Variants in DAB1 observed in about 807,000 individuals in gnomAD.
The protein encoded by DAB1 is DAB adaptor protein 1, also known as disabled homolog 1.
A neutral mutation model predicts 64.6 loss-of-function variants in DAB1; 15 were observed. The observed-to-expected ratio is 0.23, with a 90% CI of 0.16 to 0.36. The LOEUF (loss-of-function observed/expected upper bound fraction) is 0.36. Among genes scored for constraint, DAB1 ranks in the 10% least tolerant of loss-of-function variants. The pLI is 1.00. For synonymous variants in DAB1, 235 were observed against 251.9 expected, an observed-to-expected ratio of 0.93 and a Z score of 0.64; for missense variants, 596 against 706.7, an observed-to-expected ratio of 0.84 and a Z score of 1.78.
chr1:57,889,895 G>GT (rs1557539155), intron 5 of DAB1, among the ~76,000 whole-genome samples: 2 of 105,690 alleles, frequency 1.9e-5, no homozygotes, highest in African/African-American at 8.8e-5. Context: ...AGCACAAACT[G>GT]GGGCGGGGGG....
chr1:58,005,795 T>C (rs901603069), intron 5 of DAB1, among the ~76,000 whole-genome samples: 2 of 152,126 alleles, frequency 1.3e-5, no homozygotes, highest in South Asian at 2.1e-4. Flanking sequence ...TAAAAATTAA[T>C]TTGAGGCAAG....
intron 7 of DAB1, among the ~76,000 whole-genome samples, chr1:57,477,991 G>A (rs1476426610): frequency 6.6e-6 from 1 of 151,956 alleles, no homozygotes; most frequent in Admixed American, 6.6e-5. Flanking sequence ...CCATGTTGGT[G>A]TGCTGCACCC....
At position 57,014,978 on chromosome 1, in the gene DAB1, A is replaced by C; in HGVS notation, c.1349T>G (p.Val450Gly). The change falls in exon 12 of 15, where the codon GTC becomes GGC. Residue 450 changes from valine to glycine, a missense_variant. Val to Gly is a moderately radical substitution (Grantham distance 109). Coordinates refer to ENST00000371236, the MANE Select transcript of DAB1 (RefSeq NM_001365792.1). ...SEAFSSYFNK[V>G]GVAQDTDDCD... ...GTCGTCTGTATCCTGTGCCACCCCG[A>C]CTTTGTTGAAGTAACTGGAGAAGGC... 8.1e-6 allele frequency: 13 copies of C among 1,614,036 alleles called. No individual in the cohort carries two copies. Among genetic ancestry groups the C allele is most frequent in the Non-Finnish European group, 1.1e-5 (13 of 1,180,002 alleles).
upstream of DAB1, among the ~76,000 whole-genome samples, chr1:57,426,613 G>T (rs1056977686): frequency 6.6e-6 from 1 of 152,014 alleles, no homozygotes; most frequent in Middle Eastern, 3.4e-3. Flanking sequence ...GAACAGCAAA[G>T]ATGTATATAT....
At chr1:57,110,925 T>C (rs1655602301) in intron 4 of DAB1, among the ~76,000 whole-genome samples, 1 of 152,018 alleles carries the variant, frequency 6.6e-6, no homozygotes, top group Non-Finnish European at 1.5e-5. Flanking sequence ...AACTCCAGCC[T>C]TGATATTTAT....
At chr1:57,020,199 T>A (rs1646568708) in intron 11 of DAB1, among the ~76,000 whole-genome samples, 1 of 152,192 alleles carries the variant, frequency 6.6e-6, no homozygotes, top group Admixed American at 6.5e-5. Context: ...TTGCTATCTC[T>A]TTAATTTGTA....
chr1:57,761,255 G>A (rs903628460), intron 6 of DAB1, among the ~76,000 whole-genome samples: 2 of 152,162 alleles, frequency 1.3e-5, no homozygotes, highest in African/African-American at 4.8e-5. Context: ...TTTTAACAAG[G>A]AACTAGAAGA....
At position 58,277,934 on chromosome 1, in the gene DAB1, C is replaced by T. The variant is rs981657884; in HGVS notation, n.309+65418G>A. Reference sequence around the variant, plus strand: ...CCATCCACACCTGGATTGTAATCTGCTTCACACCAGGGGCTTTTTCACAGT... The same window carrying T: ...CCATCCACACCTGGATTGTAATCTGTTTCACACCAGGGGCTTTTTCACAGT... On this transcript the variant is annotated intron_variant and non_coding_transcript_variant, in intron 4 of 20. Transcript: ENST00000485760. 1.4e-4 allele frequency among the ~76,000 whole-genome samples: 22 copies of T among 152,228 alleles called. 1 individual carries two copies. The highest frequency in any genetic ancestry group is 4.1e-4 in the African/African-American group (17 of 41,464).
intron 1 of DAB1, among the ~76,000 whole-genome samples, chr1:57,400,978 G>A (rs554750305): frequency 7.0e-6 from 1 of 143,016 alleles, no homozygotes; most frequent in South Asian, 2.2e-4. Context: ...AGTGAGAAGG[G>A]TGAAAGCTCT....
At chr1:57,936,851 T>C (rs566003663) in intron 5 of DAB1, among the ~76,000 whole-genome samples, 2 of 152,262 alleles carry the variant, frequency 1.3e-5, no homozygotes, top group South Asian at 2.1e-4. Flanking sequence ...ACATTTGGTG[T>C]CTTGCTGAGC....
chr1:58,514,585 G>A (rs1646131014), intron 2 of DAB1, among the ~76,000 whole-genome samples: 1 of 152,024 alleles, frequency 6.6e-6, no homozygotes. Context: ...CCCTACACTT[G>A]TCCCAGTCAT....
intron 7 of DAB1, among the ~76,000 whole-genome samples, chr1:57,446,244 A>G (rs989352134): frequency 3.9e-5 from 6 of 152,182 alleles, no homozygotes; most frequent in African/African-American, 1.4e-4. Context: ...ATAGTTGTCT[A>G]TAAAATAAAC....
At chr1:58,112,535 T>C (rs1652033823) in intron 5 of DAB1, among the ~76,000 whole-genome samples, 1 of 152,196 alleles carries the variant, frequency 6.6e-6, no homozygotes, top group African/African-American at 2.4e-5. Flanking sequence ...GAGACAATGA[T>C]AGGCACCTCA....
At chr1:57,712,856 C>T (rs948264669) in intron 6 of DAB1, among the ~76,000 whole-genome samples, 1 of 152,138 alleles carries the variant, frequency 6.6e-6, no homozygotes, top group Non-Finnish European at 1.5e-5. Flanking sequence ...AGTTATACTC[C>T]AGTATACTTT....
intron 5 of DAB1, among the ~76,000 whole-genome samples, chr1:57,971,109 A>C (rs1645785482): frequency 6.6e-6 from 1 of 152,182 alleles, no homozygotes; most frequent in Non-Finnish European, 1.5e-5. Flanking sequence ...CCAAGGAGGC[A>C]TTCTGAGAGG....
At chr1:58,385,752 A>T (rs1644427337) in intron 3 of DAB1, among the ~76,000 whole-genome samples, 1 of 152,300 alleles carries the variant, frequency 6.6e-6, no homozygotes, top group East Asian at 1.9e-4. Flanking sequence ...TGAGATGATA[A>T]ATCAGACCCT....
At chr1:57,661,346 C>A (rs1646384164) in intron 6 of DAB1, among the ~76,000 whole-genome samples, 1 of 152,198 alleles carries the variant, frequency 6.6e-6, no homozygotes, top group African/African-American at 2.4e-5. Flanking sequence ...TATACTGAAC[C>A]TCACCAGCCT....
chr1:57,357,259 T>TA (rs548024092), intron 1 of DAB1, among the ~76,000 whole-genome samples: 5 of 151,704 alleles, frequency 3.3e-5, no homozygotes, highest in East Asian at 1.9e-4. Flanking sequence ...CAGAGAAATG[T>TA]AAAAAAAATA....
At chr1:58,216,583 T>G (rs1658867247) in intron 4 of DAB1, among the ~76,000 whole-genome samples, 1 of 152,218 alleles carries the variant, frequency 6.6e-6, no homozygotes, top group Non-Finnish European at 1.5e-5. Context: ...TTTTTGGTTC[T>G]AGATCCTTGA....
Sources: allele counts gnomAD v4.1 joint callset (sites outside exome capture counted in the v4.1 genomes callset), GRCh38; gene constraint gnomAD v4.1.1; transcripts MANE v1.5; gene names NCBI Gene and HGNC (gene_info 2026-07-23, HGNC 2026-07-21).